UVRAG: variants seen among roughly 807,000 people sequenced by gnomAD.
UVRAG encodes UV radiation resistance associated, also known as UV radiation resistance-associated gene protein.
UVRAG carries 19 observed loss-of-function variants against 78.0 expected under a neutral mutation model. That is an observed-to-expected ratio of 0.24 (90% confidence interval 0.17 to 0.36). The LOEUF (loss-of-function observed/expected upper bound fraction) is 0.36, where lower values mean the gene tolerates loss of function less well. UVRAG is among the 10% of genes least tolerant of loss of function. The probability of loss-of-function intolerance (pLI) is 1.00; values close to 1 mark genes in which losing one functional copy is unlikely to be tolerated. For missense variants in UVRAG, 740 were observed against 853.8 expected (o/e 0.87, Z 1.66); for synonymous variants, 323 against 324.6 (o/e 1.00, Z 0.05).
intron 12 of UVRAG, among the ~76,000 whole-genome samples, chr11:76,021,915 G>T (rs566261637): frequency 1.3e-5 from 2 of 152,230 alleles, no homozygotes; most frequent in African/African-American, 2.4e-5. Flanking sequence ...TTAGCTGAGC[G>T]TGGTGGTGTG....
chr11:75,835,796 A>G (rs916249308), intron 1 of UVRAG, among the ~76,000 whole-genome samples: 1 of 152,268 alleles, frequency 6.6e-6, no homozygotes, highest in East Asian at 1.9e-4. Context: ...TCTGAAGGAT[A>G]AACATTCAAC....
chr11:76,107,795 C>CT (rs1951997587), intron 13 of UVRAG, among the ~76,000 whole-genome samples: 2 of 151,448 alleles, frequency 1.3e-5, no homozygotes, highest in South Asian at 4.2e-4. Context: ...TGGTGGTACT[C>CT]TTTTTTTTCA....
intron 12 of UVRAG, among the ~76,000 whole-genome samples, chr11:76,031,869 A>G (rs1430004095): frequency 6.6e-6 from 1 of 152,182 alleles, no homozygotes; most frequent in Admixed American, 6.5e-5. Context: ...TTCATGGACT[A>G]TTTGCAGTCC....
chr11:75,881,924 G>C (rs1184611353), intron 4 of UVRAG, among the ~76,000 whole-genome samples: 1 of 152,120 alleles, frequency 6.6e-6, no homozygotes, highest in Non-Finnish European at 1.5e-5. Context: ...AGATCACACA[G>C]CTGGAGCTAA....
chr11:75,872,390 C>CA (rs1156795662), intron 3 of UVRAG, among the ~76,000 whole-genome samples: 7 of 44,526 alleles, frequency 1.6e-4, no homozygotes, highest in Admixed American at 8.3e-4. Context: ...TCTAATGCTG[C>CA]CTTTTTTTTT....
intron 1 of UVRAG, among the ~76,000 whole-genome samples, chr11:75,821,799 T>G (rs1298835056): frequency 6.6e-6 from 1 of 152,158 alleles, no homozygotes; most frequent in Non-Finnish European, 1.5e-5. Flanking sequence ...GTCAGGTGTT[T>G]TGTAGGATGC....
intron 14 of UVRAG, among the ~76,000 whole-genome samples, chr11:76,135,252 T>G (rs1468731898): frequency 6.6e-6 from 1 of 152,130 alleles, no homozygotes; most frequent in African/African-American, 2.4e-5. Flanking sequence ...GAGCTAAGAG[T>G]AGAATCCAGG....
chr11:76,078,578 T>G (rs903994160), intron 13 of UVRAG, among the ~76,000 whole-genome samples: 1 of 151,616 alleles, frequency 6.6e-6, no homozygotes, highest in Non-Finnish European at 1.5e-5. Context: ...TGAAATGATT[T>G]AATGGAAAGA....
chr11:75,944,638 A>G (rs1232155989), intron 6 of UVRAG, among the ~76,000 whole-genome samples: 1 of 152,180 alleles, frequency 6.6e-6, no homozygotes, highest in Admixed American at 6.5e-5. Flanking sequence ...TGAGAATACC[A>G]CAATCTAAGC....
chr11:75,903,440 A>G (rs1311619295), intron 5 of UVRAG, among the ~76,000 whole-genome samples: 1 of 152,180 alleles, frequency 6.6e-6, no homozygotes, highest in African/African-American at 2.4e-5. Context: ...CCAGGGATCC[A>G]AATAATTTCC....
intron 14 of UVRAG, among the ~76,000 whole-genome samples, chr11:76,122,481 CAGA>C (rs961224884): frequency 3.7e-4 from 57 of 152,158 alleles, no homozygotes; most frequent in Admixed American, 2.9e-3. Flanking sequence ...ATAGTGTGGT[CAGA>C]AGAATTAAAT....
chr11:75,911,867 A>G, intron 5 of UVRAG, 87 bp from the exon 6 acceptor site: 1 of 926,328 alleles, frequency 1.1e-6, no homozygotes, highest in Non-Finnish European at 1.7e-6. Flanking sequence ...TTAATATGTC[A>G]TATTTTTAAA....
At chr11:76,134,538 G>A (rs1591272868) in intron 14 of UVRAG, among the ~76,000 whole-genome samples, 1 of 152,190 alleles carries the variant, frequency 6.6e-6, no homozygotes, top group East Asian at 1.9e-4. Context: ...ACAGTATGCT[G>A]TATAAGAGAA....
chr11:76,093,466 A>G (rs1182960199), intron 13 of UVRAG, among the ~76,000 whole-genome samples: 4 of 152,104 alleles, frequency 2.6e-5, no homozygotes, highest in African/African-American at 7.2e-5. Context: ...CCATTTTCAC[A>G]ATATTGATTC....
chr11:75,901,416 C>T (rs1947496939), intron 5 of UVRAG, among the ~76,000 whole-genome samples: 1 of 152,122 alleles, frequency 6.6e-6, no homozygotes, highest in South Asian at 2.1e-4. Flanking sequence ...AGATAAACAC[C>T]TCCAGTCTAG....
intron 1 of UVRAG, chr11:75,838,834 G>A (rs1279297928): frequency 6.6e-6 from 1 of 152,230 alleles, no homozygotes; most frequent in African/African-American, 2.4e-5. Context: ...GCCCTGATGA[G>A]TGGATTAATC....
intron 6 of UVRAG, among the ~76,000 whole-genome samples, chr11:75,925,716 TAAA>T (rs1298886529): frequency 2.6e-5 from 4 of 152,224 alleles, no homozygotes; most frequent in Admixed American, 6.5e-5. Flanking sequence ...ATTTGAATAT[TAAA>T]AATTTTCACT....
At chr11:76,033,594 CTAAA>C (rs1348236238) in intron 12 of UVRAG, among the ~76,000 whole-genome samples, 2 of 151,992 alleles carry the variant, frequency 1.3e-5, no homozygotes, top group South Asian at 2.1e-4. Context: ...TTTAGATTAA[CTAAA>C]TGTCAGGATC....
chr11:75,965,588 T>C (rs1193697797), intron 7 of UVRAG, among the ~76,000 whole-genome samples: 2 of 152,240 alleles, frequency 1.3e-5, no homozygotes, highest in Non-Finnish European at 2.9e-5. Flanking sequence ...GTGCTGGGAT[T>C]ACAGGCATGA....
Sources: gnomAD v4.1 joint callset for allele counts (sites outside exome capture counted in the v4.1 genomes callset) on GRCh38, gnomAD v4.1.1 for gene constraint, MANE v1.5 for transcripts, NCBI Gene and HGNC (gene_info 2026-07-23, HGNC 2026-07-21) for gene names.